MARCHF6: variants seen among roughly 807,000 people sequenced by gnomAD.
The protein encoded by MARCHF6 is E3 ubiquitin-protein ligase MARCHF6.
MARCHF6 carries 31 observed loss-of-function variants against 133.7 expected under a neutral mutation model. The ratio of observed to expected loss-of-function variants is 0.23; its 90% CI spans 0.17 to 0.31. The LOEUF (loss-of-function observed/expected upper bound fraction) is 0.31, where lower values mean the gene tolerates loss of function less well. Among genes scored for constraint, MARCHF6 ranks in the 10% least tolerant of loss-of-function variants. The probability of loss-of-function intolerance (pLI) is 1.00; values close to 1 mark genes in which losing one functional copy is unlikely to be tolerated. For missense variants in MARCHF6, 723 were observed against 1,121.6 expected, an observed-to-expected ratio of 0.64 and a Z score of 5.08; for synonymous variants, 395 against 402.5, an observed-to-expected ratio of 0.98 and a Z score of 0.22.
At position 10,410,292 on chromosome 5, in the gene MARCHF6, T is replaced by C; in HGVS notation, c.1691+16T>C. 6.2e-7 allele frequency: 1 copy of C among 1,611,242 alleles called. No individual in the cohort carries two copies. ...GATACTTGCTGTGAGTATGGGCAGC[T>C]GACTCCTTGGACATGCATGTCATTT... On this transcript the variant is annotated intron_variant, in intron 18 of 25. Transcript: ENST00000274140.
intron 6 of MARCHF6, 28 bp from the exon 7 acceptor site, chr5:10,391,514 A>G: frequency 2.1e-6 from 3 of 1,401,720 alleles, no homozygotes; most frequent in Non-Finnish European, 3.0e-6. Context: ...AAGTGGATCT[A>G]AATTTCTGGG....
chr5:10,414,574 G>T, intron 20 of MARCHF6, 72 bp downstream of exon 20: 1 of 1,235,618 alleles, frequency 8.1e-7, no homozygotes, highest in Non-Finnish European at 1.2e-6. Flanking sequence ...ACAGAGTCTT[G>T]CTCTGTTCCC....
chr5:10,398,706 T>G (rs1738338111), intron 10 of MARCHF6, among the ~76,000 whole-genome samples: 1 of 152,108 alleles, frequency 6.6e-6, no homozygotes, highest in Admixed American at 6.6e-5. Context: ...ATTATACAAA[T>G]AAGAACTCTG....
At chr5:10,362,989 AG>A (rs1489087615) in intron 1 of MARCHF6, among the ~76,000 whole-genome samples, 1 of 152,128 alleles carries the variant, frequency 6.6e-6, no homozygotes, top group Non-Finnish European at 1.5e-5. Context: ...GAATAGCTGT[AG>A]GAAAAAAAAA....
intron 1 of MARCHF6, among the ~76,000 whole-genome samples, chr5:10,368,564 G>C (rs1473165418): frequency 6.6e-6 from 1 of 152,096 alleles, no homozygotes; most frequent in Non-Finnish European, 1.5e-5. Context: ...CTTAAGCCCA[G>C]GAGTGTTTTT....
intron 21 of MARCHF6, among the ~76,000 whole-genome samples, chr5:10,416,067 C>G (rs553828750): frequency 7.9e-5 from 12 of 150,970 alleles, no homozygotes; most frequent in African/African-American, 3.0e-4. Context: ...GCATGTTTTT[C>G]TTTATACACG....
chr5:10,429,758 T>C (rs1355378022), intron 24 of MARCHF6, 135 bp from the exon 25 acceptor site: 1 of 675,198 alleles, frequency 1.5e-6, no homozygotes, highest in Non-Finnish European at 2.5e-6. Context: ...CCTACACAGA[T>C]TGTAGAAAGT....
intron 1 of MARCHF6, among the ~76,000 whole-genome samples, chr5:10,374,002 G>A (rs1212299433): frequency 6.7e-6 from 1 of 150,038 alleles, no homozygotes; most frequent in African/African-American, 2.5e-5. Context: ...CCATGGCCCT[G>A]TCACTCTTAG....
chr5:10,404,315 A>C (rs1738749877), intron 15 of MARCHF6, among the ~76,000 whole-genome samples: 1 of 151,880 alleles, frequency 6.6e-6, no homozygotes, highest in East Asian at 1.9e-4. Flanking sequence ...TGATCCACCC[A>C]CCTTGGCCTC....
chr5:10,402,306 A>G (rs959013566), intron 12 of MARCHF6, 78 bp from the exon 13 acceptor site: 18 of 1,335,724 alleles, frequency 1.3e-5, no homozygotes, highest in African/African-American at 1.0e-4. Context: ...CTGTCAAAAA[A>G]TACTAAATGT....
intron 19 of MARCHF6, among the ~76,000 whole-genome samples, chr5:10,412,981 G>A (rs1739313895): frequency 6.6e-6 from 1 of 152,092 alleles, no homozygotes. Context: ...GAAGAGGTGA[G>A]GGACAAGAGG....
chr5:10,379,536 C>T (rs1298252782), intron 3 of MARCHF6, among the ~76,000 whole-genome samples: 1 of 151,776 alleles, frequency 6.6e-6, no homozygotes, highest in Admixed American at 6.6e-5. Flanking sequence ...TTTCAGCTCA[C>T]TGCAAGCTCC....
At chr5:10,426,552 G>A (rs750297017) in intron 24 of MARCHF6, 30 bp downstream of exon 24, 3 of 1,610,642 alleles carry the variant, frequency 1.9e-6, no homozygotes, top group Non-Finnish European at 2.5e-6. Context: ...GAGCCTTGAA[G>A]GAGCACTTTT....
chr5:10,439,501 C>T lies in MARCHF6; in HGVS notation c.*5817C>T, dbSNP rs1243697311. ...AGGTACCATAAGGAGAACAAAAAGA[C>T]AAGCTGTAGAGTGGCAGAAAAATAT... On this transcript the variant is annotated 3_prime_UTR_variant, in exon 26 of 26. Coordinates refer to ENST00000274140, the MANE Select transcript of MARCHF6 (RefSeq NM_005885.4). The T allele has an allele frequency of 6.6e-6, 1 of 152,180 alleles. No homozygotes were observed. The highest frequency in any genetic ancestry group is 1.5e-5 in the Non-Finnish European group (1 of 68,036). 9.4% of individuals were successfully genotyped at this position (152,180 alleles called of 1,614,324 possible).
chr5:10,374,367 C>T (rs1736644342), intron 1 of MARCHF6, among the ~76,000 whole-genome samples: 1 of 152,158 alleles, frequency 6.6e-6, no homozygotes, highest in Non-Finnish European at 1.5e-5. Context: ...GGGTCCATTG[C>T]AAGAAAGTCC....
At chr5:10,422,803 C>T (rs982681100) in intron 22 of MARCHF6, among the ~76,000 whole-genome samples, 1 of 151,586 alleles carries the variant, frequency 6.6e-6, no homozygotes, top group African/African-American at 2.4e-5. Context: ...AATGATACTA[C>T]ATACTTTCTA....
At chr5:10,411,755 T>G (rs936425805) in intron 19 of MARCHF6, among the ~76,000 whole-genome samples, 1 of 152,236 alleles carries the variant, frequency 6.6e-6, no homozygotes, top group Admixed American at 6.5e-5. Context: ...GCTCCCTATT[T>G]AAGAGGAAAA....
At chr5:10,431,902 T>C (rs1333523199) in intron 25 of MARCHF6, among the ~76,000 whole-genome samples, 1 of 152,198 alleles carries the variant, frequency 6.6e-6, no homozygotes, top group Non-Finnish European at 1.5e-5. Flanking sequence ...TTAGTAGATA[T>C]TGCTCAGCCT....
Position 10,423,717 on chromosome 5 carries a change from T to C in MARCHF6, c.2284-18T>C, listed in dbSNP as rs771031666. 1.3e-6 allele frequency: 2 copies of C among 1,556,972 alleles called. No individual in the cohort carries two copies. Among genetic ancestry groups the C allele is most frequent in the Non-Finnish European group, 1.8e-6 (2 of 1,131,474 alleles). On this transcript the variant is annotated intron_variant, in intron 22 of 25. Transcript: ENST00000274140. ...TAAAAAACAACAGAAATATGTTAAA[T>C]GGTTTTTAATTCCCTAGGACTGGGC... is the stretch of plus-strand genomic sequence containing the variant.
Sources: gnomAD v4.1 joint callset for allele counts (sites outside exome capture counted in the v4.1 genomes callset) on GRCh38, gnomAD v4.1.1 for gene constraint, MANE v1.5 for transcripts, NCBI Gene and HGNC (gene_info 2026-07-23, HGNC 2026-07-21) for gene names.